Variants in CAPN5 observed in about 807,000 individuals in gnomAD.
CAPN5 encodes the protein calpain-5.
A neutral mutation model predicts 73.0 loss-of-function variants in CAPN5; 54 were observed. That is an observed-to-expected ratio of 0.74 (90% confidence interval 0.59 to 0.93). The LOEUF (loss-of-function observed/expected upper bound fraction) is 0.93, where lower values mean the gene tolerates loss of function less well. Ranked by LOEUF, CAPN5 falls within the 40% of genes least tolerant of loss-of-function variation. The probability of loss-of-function intolerance (pLI) is 0.00; values close to 1 mark genes in which losing one functional copy is unlikely to be tolerated. For synonymous variants in CAPN5, 335 were observed against 356.9 expected, an observed-to-expected ratio of 0.94 and a Z score of 0.69; for missense variants, 785 against 882.9, an observed-to-expected ratio of 0.89 and a Z score of 1.41.
At chr11:77,094,507 G>C (rs1047235873) in intron 3 of CAPN5, among the ~76,000 whole-genome samples, 10 of 152,260 alleles carry the variant, frequency 6.6e-5, no homozygotes, top group African/African-American at 2.4e-5. Flanking sequence ...AGGAGGCAGG[G>C]AGGCTGGAGT....
chr11:77,102,657 C>T (rs1950298066), intron 3 of CAPN5, among the ~76,000 whole-genome samples: 4 of 152,216 alleles, frequency 2.6e-5, no homozygotes, highest in Admixed American at 2.6e-4. Context: ...GATGGGGACT[C>T]CCACCCCTGA....
At position 77,077,917 on chromosome 11, in the gene CAPN5, G is replaced by GT. The variant is rs538383053; in HGVS notation, c.-35-6928dup. On this transcript the variant is annotated intron_variant, in intron 1 of 12. Coordinates refer to ENST00000648180, the MANE Select transcript of CAPN5 (RefSeq NM_004055.5). The stretch of plus-strand genomic sequence containing the variant: ...CCCATTTTAAAATCAGATCATTAGG[G>GT]TTTTTTTGCTATTGAGTTGCTTGAA... Among the ~76,000 whole-genome samples, 460 of 152,194 alleles carry GT rather than the reference G, an allele frequency of 3.0e-3. 3 individuals are homozygous for GT. The highest frequency in any genetic ancestry group is 0.011 in the African/African-American group (446 of 41,514).
chr11:77,124,190 A>C lies in CAPN5; in HGVS notation c.*320A>C, dbSNP rs1950551378. On this transcript the variant is annotated 3_prime_UTR_variant, in exon 13 of 13. Transcript: ENST00000648180. ...CTGTCTGCCGAGGAGCGCCAAGAAG[A>C]TGTCACTTGTTTACACACGAACTGC... The C allele has an allele frequency of 1.3e-5, 4 of 306,966 alleles. No individual in the cohort carries two copies. Among genetic ancestry groups the C allele is most frequent in the Non-Finnish European group, 1.2e-5 (2 of 164,956 alleles). 19.0% of individuals were successfully genotyped at this position (306,966 alleles called of 1,614,324 possible). A position where few individuals can be genotyped will look rare whatever the true frequency, so the allele number is the denominator to read the frequency against.
Position 77,084,902 on chromosome 11 carries a change from A to G in CAPN5, c.16A>G (p.Lys6Glu), listed in dbSNP as rs1950067309. 1.9e-6 allele frequency: 3 copies of G among 1,613,954 alleles called. No individual in the cohort carries two copies. Among genetic ancestry groups the G allele is most frequent in the Non-Finnish European group, 2.5e-6 (3 of 1,180,040 alleles). The change falls in exon 2 of 13, where the codon AAG becomes GAG. Residue 6 changes from lysine (K) to glutamate (E), a missense_variant. Physicochemically the swap from Lys to Glu is moderately conservative, Grantham distance 56 (BLOSUM62 1). Transcript: ENST00000648180. MFSCV[K>E]PYEDQNYSAL... ...AGCAGCCACCATGTTCTCGTGTGTG[A>G]AGCCCTATGAGGACCAGAACTACTC...
Position 77,120,812 on chromosome 11 carries a change from CCCGAGGG to C in CAPN5, c.1394_1400del (p.Glu465AlafsTer52). 1.2e-6 allele frequency: 2 copies of C among 1,614,206 alleles called. No homozygotes were observed. The highest frequency in any genetic ancestry group is 4.5e-5 in the East Asian group (2 of 44,890). On this transcript the variant is annotated frameshift_variant, in exon 10 of 13. Transcript: ENST00000648180. LOFTEE classifies it high-confidence loss of function. ...CAGCGTCTTCCTGCGCACCGACCAGCCCGAGGGCCGCTATGTCATCATCCCCACAACC... is the reference window on the plus strand; with the variant it reads ...CAGCGTCTTCCTGCGCACCGACCAGCCCGCTATGTCATCATCCCCACAACC...
chr11:77,093,246 C>T (rs1555036823), intron 2 of CAPN5, among the ~76,000 whole-genome samples: 1 of 152,206 alleles, frequency 6.6e-6, no homozygotes, highest in African/African-American at 2.4e-5. Flanking sequence ...ATGCCCGCAC[C>T]CCCACCCCAC....
Position 77,116,218 on chromosome 11 carries a change from C to T in CAPN5, c.894-8C>T, listed in dbSNP as rs1555041737. 5.0e-6 allele frequency: 8 copies of T among 1,609,666 alleles called. No individual in the cohort carries two copies. The highest frequency in any genetic ancestry group is 2.2e-5 in the South Asian group (2 of 89,768). On this transcript the variant is annotated splice_region_variant and splice_polypyrimidine_tract_variant and intron_variant, in intron 6 of 12. Coordinates refer to ENST00000648180, the MANE Select transcript of CAPN5 (RefSeq NM_004055.5). ...CTCCCTTTCTCCTCCCCGGCCCTGA[C>T]ACCCCAGCTCGGAGGAGTGGCAGAA...
At chr11:77,073,324 G>C (rs1949930935) in intron 1 of CAPN5, among the ~76,000 whole-genome samples, 1 of 152,212 alleles carries the variant, frequency 6.6e-6, no homozygotes, top group African/African-American at 2.4e-5. Context: ...AGGCCTGCAG[G>C]AACCCCTGAC....
chr11:77,103,144 C>A (rs368232911), intron 3 of CAPN5: 51 of 1,613,760 alleles, frequency 3.2e-5, no homozygotes, highest in East Asian at 2.2e-5. Flanking sequence ...CTGCTGGACC[C>A]CACTGCCATC....
In CAPN5 at chr11:77,118,169, G is replaced by T. The variant is rs1555042051; in HGVS notation, c.984G>T (p.Glu328Asp). 6.2e-7 allele frequency: 1 copy of T among 1,612,332 alleles called. No homozygotes were observed. The highest frequency in any genetic ancestry group is 8.5e-7 in the Non-Finnish European group (1 of 1,178,742). The change falls in exon 8 of 13, where the codon GAG (glutamate) becomes GAT (aspartate). Residue 328 changes from glutamate to aspartate, a missense_variant. Transcript: ENST00000648180. Reference protein sequence around the residue: ...QDDGEFWMTFEDVCRYFTDII... With the variant: ...QDDGEFWMTFDDVCRYFTDII... ...TCCCCACATCCAGGATGACCTTCGA[G>T]GACGTGTGCCGGTACTTCACGGACA...
chr11:77,072,880 C>A (rs1476257415), intron 1 of CAPN5: 1 of 342,590 alleles, frequency 2.9e-6, no homozygotes, highest in East Asian at 8.1e-5. Flanking sequence ...CCCCTCCCTG[C>A]CACTCAATCA....
chr11:77,088,711 C>T (rs1346830251), intron 2 of CAPN5, among the ~76,000 whole-genome samples: 4 of 152,166 alleles, frequency 2.6e-5, no homozygotes, highest in East Asian at 1.9e-4. Flanking sequence ...GGGAGGAGGA[C>T]GGATGTGGAG....
intron 9 of CAPN5, 122 bp from the exon 10 acceptor site, chr11:77,120,591 T>G (rs762553891): frequency 1.5e-6 from 1 of 663,674 alleles, no homozygotes; most frequent in Non-Finnish European, 2.6e-6. Flanking sequence ...GATTTGCCTG[T>G]TCCGGACATT....
chr11:77,067,499 C>G (rs1158966449), intron 1 of CAPN5, among the ~76,000 whole-genome samples: 1 of 152,142 alleles, frequency 6.6e-6, no homozygotes, highest in Non-Finnish European at 1.5e-5. Context: ...CCACCAACCC[C>G]TTCTGGGTGC....
intron 2 of CAPN5, among the ~76,000 whole-genome samples, chr11:77,092,458 TC>T (rs1476454802): frequency 6.6e-6 from 1 of 152,210 alleles, no homozygotes; most frequent in Admixed American, 6.5e-5. Context: ...AGGCCAGAGC[TC>T]CTTGGGCAGG....
At chr11:77,089,283 C>A (rs1950124393) in intron 2 of CAPN5, among the ~76,000 whole-genome samples, 1 of 152,232 alleles carries the variant, frequency 6.6e-6, no homozygotes. Context: ...TCCTGAACCT[C>A]CCTGCTTACC....
In CAPN5 at chr11:77,112,582, T is replaced by C. The variant is rs782115839; in HGVS notation, c.298-7T>C. On this transcript the variant is annotated splice_region_variant and splice_polypyrimidine_tract_variant and intron_variant, in intron 3 of 12. Coordinates refer to ENST00000648180, the MANE Select transcript of CAPN5 (RefSeq NM_004055.5). ...TCCCCCATCCTATCCCCCCTCCCCCTACCCAGGTCATCCCAGACTGGAAGG... is the reference window on the plus strand; with the variant it reads ...TCCCCCATCCTATCCCCCCTCCCCCCACCCAGGTCATCCCAGACTGGAAGG... 6.5e-7 allele frequency: 1 copy of C among 1,528,622 alleles called. No individual in the cohort carries two copies. Among genetic ancestry groups the C allele is most frequent in the Non-Finnish European group, 9.0e-7 (1 of 1,114,098 alleles). The allele number at this position is 1,528,622 out of a possible 1,614,324, so 94.7% of individuals were successfully genotyped here.
intron 1 of CAPN5, among the ~76,000 whole-genome samples, chr11:77,068,501 G>T (rs1949869440): frequency 6.6e-6 from 1 of 152,134 alleles, no homozygotes; most frequent in Non-Finnish European, 1.5e-5. Flanking sequence ...AGAAAAGGCA[G>T]GTCATTGCAG....
intron 1 of CAPN5, among the ~76,000 whole-genome samples, chr11:77,074,245 A>G (rs1949943562): frequency 6.6e-6 from 1 of 152,130 alleles, no homozygotes; most frequent in South Asian, 2.1e-4. Flanking sequence ...GTCCTGGGTC[A>G]CTGCATCAGC....
Sources: gnomAD v4.1 joint callset for allele counts (sites outside exome capture counted in the v4.1 genomes callset) on GRCh38, gnomAD v4.1.1 for gene constraint, MANE v1.5 for transcripts, NCBI Gene and HGNC (gene_info 2026-07-23, HGNC 2026-07-21) for gene names.